The following GIGYF2 variants were observed in gnomAD, a reference collection of about 807,000 sequenced individuals.
GIGYF2 encodes the protein GRB10-interacting GYF protein 2.
A neutral mutation model predicts 208.1 loss-of-function variants in GIGYF2; 25 were observed. The observed-to-expected ratio is 0.12, with a 90% CI of 0.09 to 0.17. The LOEUF (loss-of-function observed/expected upper bound fraction) is 0.17, where lower values mean the gene tolerates loss of function less well. Among genes scored for constraint, GIGYF2 ranks in the 10% least tolerant of loss-of-function variants. GIGYF2 has a pLI of 1.00. For missense variants in GIGYF2, 1,302 were observed against 1,579.4 expected (o/e 0.82, Z 2.98); for synonymous variants, 534 against 543.8 (o/e 0.98, Z 0.25).
chr2:232,776,573 C>G, intron 8 of GIGYF2: 1 of 745,148 alleles, frequency 1.3e-6, no homozygotes, highest in East Asian at 2.7e-5. Flanking sequence ...ACTGGTTTTA[C>G]AGCTTACATT....
intron 2 of GIGYF2, among the ~76,000 whole-genome samples, chr2:232,709,818 A>G (rs2106253638): frequency 6.6e-6 from 1 of 152,056 alleles, no homozygotes; most frequent in African/African-American, 2.4e-5. Flanking sequence ...TGGAGGAAAA[A>G]AAATTGTAGA....
intron 26 of GIGYF2, among the ~76,000 whole-genome samples, chr2:232,846,392 A>C (rs1339265240): frequency 6.6e-6 from 1 of 152,186 alleles, no homozygotes; most frequent in Non-Finnish European, 1.5e-5. Flanking sequence ...AGTTTAGAGA[A>C]AAACTTGCTC....
At chr2:232,744,217 C>G (rs937094690) in intron 3 of GIGYF2, among the ~76,000 whole-genome samples, 33 of 152,118 alleles carry the variant, frequency 2.2e-4, no homozygotes, top group Admixed American at 2.0e-3. Flanking sequence ...CATTGGTGAT[C>G]CATTGGAAGG....
intron 14 of GIGYF2, among the ~76,000 whole-genome samples, chr2:232,804,839 G>A (rs1700511192): frequency 6.6e-6 from 1 of 151,696 alleles, no homozygotes; most frequent in Admixed American, 6.6e-5. Flanking sequence ...TTTCCCTTGA[G>A]ACTCCCTCTT....
chr2:232,730,094 C>G, intron 2 of GIGYF2: 1 of 1,250,636 alleles, frequency 8.0e-7, no homozygotes, highest in Non-Finnish European at 1.2e-6. Flanking sequence ...CAAATACTGC[C>G]ACATCTGCTT....
intron 14 of GIGYF2, among the ~76,000 whole-genome samples, chr2:232,805,877 G>A (rs1366865905): frequency 6.6e-6 from 1 of 152,122 alleles, no homozygotes; most frequent in African/African-American, 2.4e-5. Flanking sequence ...TATCCCTACT[G>A]TCTATGTCAT....
chr2:232,819,343 C>T (rs1179638705), intron 20 of GIGYF2, among the ~76,000 whole-genome samples: 4 of 152,148 alleles, frequency 2.6e-5, no homozygotes, highest in African/African-American at 9.7e-5. Flanking sequence ...ATTGGTGGGA[C>T]TTTTGATCTT....
rs1403886757 is a variant in GIGYF2, at chr2:232,819,006, G to A, written c.2371-821G>A. On this transcript the variant is annotated intron_variant, in intron 20 of 28. Transcript: ENST00000373563. ...CTTTTTCTTTTTTTGTTGTTGGGGG[G>A]AATTCACCATTCATGTGCTTGGCTC... 2.6e-5 allele frequency among the ~76,000 whole-genome samples: 4 copies of A among 151,558 alleles called. No homozygotes were observed. The South Asian group carries it at 8.4e-4, about 32-fold the overall frequency.
intron 6 of GIGYF2, 25 bp downstream of exon 6, chr2:232,756,359 A>T (rs764375783): frequency 8.4e-7 from 1 of 1,196,544 alleles, no homozygotes; most frequent in Non-Finnish European, 1.2e-6. Context: ...GAAAAAAGTA[A>T]TAATGGAGGA....
chr2:232,708,505 G>A (rs1696234126), intron 2 of GIGYF2, among the ~76,000 whole-genome samples: 7 of 152,054 alleles, frequency 4.6e-5, no homozygotes, highest in Admixed American at 4.6e-4. Context: ...GTAGTGAAAA[G>A]CTTGAGGGCT....
At chr2:232,699,428 G>C (rs1002437053) in intron 1 of GIGYF2, among the ~76,000 whole-genome samples, 5 of 152,118 alleles carry the variant, frequency 3.3e-5, no homozygotes, top group African/African-American at 1.2e-4. Context: ...TATCTCTTGT[G>C]ATTCTTGGAA....
chr2:232,838,846 A>G (rs541928866), intron 22 of GIGYF2, among the ~76,000 whole-genome samples: 13 of 151,428 alleles, frequency 8.6e-5, no homozygotes, highest in African/African-American at 2.9e-4. Context: ...GCATTTTGAG[A>G]GAAATGCCCT....
At chr2:232,771,559 T>A in intron 8 of GIGYF2, 2 of 524,966 alleles carry the variant, frequency 3.8e-6, no homozygotes, top group Non-Finnish European at 6.7e-6. Flanking sequence ...GGGAGCTAAT[T>A]GTGTGTTACC....
chr2:232,778,954 T>C (rs966356271), intron 8 of GIGYF2, among the ~76,000 whole-genome samples: 8 of 152,188 alleles, frequency 5.3e-5, no homozygotes, highest in African/African-American at 1.9e-4. Context: ...GACAAAGGAA[T>C]TTTTTGAGAT....
rs199974824 is a variant in GIGYF2 at position 232,711,872 on chromosome 2, T to G, written c.-44+8383T>G. Reference sequence around the variant, plus strand: ...TTTAACACTGCATCACCAGGTAGTTTTTTTTTTTAAAGGTTAGTTGCAATA... The same window carrying G: ...TTTAACACTGCATCACCAGGTAGTTGTTTTTTTTAAAGGTTAGTTGCAATA... On this transcript the variant is annotated intron_variant, in intron 2 of 28. Coordinates refer to ENST00000373563, the MANE Select transcript of GIGYF2 (RefSeq NM_001103146.3). Among the ~76,000 whole-genome samples, 4 of 151,862 alleles carry G rather than the reference T, an allele frequency of 2.6e-5. No homozygotes were observed. The East Asian group carries it at 7.7e-4, about 29-fold the overall frequency.
At chr2:232,846,372 G>C (rs1209087187) in intron 26 of GIGYF2, among the ~76,000 whole-genome samples, 1 of 152,168 alleles carries the variant, frequency 6.6e-6, no homozygotes, top group African/African-American at 2.4e-5. Flanking sequence ...AAGTGAAAAG[G>C]CTTTGGCACA....
At chr2:232,854,291 G>A (rs1365757267) in intron 28 of GIGYF2, among the ~76,000 whole-genome samples, 1 of 152,254 alleles carries the variant, frequency 6.6e-6, no homozygotes, top group Admixed American at 6.5e-5. Flanking sequence ...CCAGGAGTTG[G>A]GGACCAGCCT....
rs1700063181 is a variant in GIGYF2, at chr2:232,791,292, A to G, written c.1128A>G (p.Ser376=). Residue 376 remains serine, a synonymous_variant, in exon 12 of 29, where the codon TCA becomes TCG. Coordinates refer to ENST00000373563, the MANE Select transcript of GIGYF2 (RefSeq NM_001103146.3). ...ASEETPQTSS[S]SARPGTPSDH... is the part of the protein sequence containing the mutation. ...AGGAAACTCCCCAGACCTCATCATC[A>G]TCTGCTAGACCAGGTACTCCTTCAG... is the stretch of plus-strand genomic sequence containing the variant. 1 of 1,614,058 alleles carries G rather than the reference A, an allele frequency of 6.2e-7. No homozygotes were observed.
At chr2:232,697,859 G>A (rs1327262401) in intron 1 of GIGYF2, among the ~76,000 whole-genome samples, 1 of 152,208 alleles carries the variant, frequency 6.6e-6, no homozygotes, top group African/African-American at 2.4e-5. Context: ...GCTCCTGCCG[G>A]CTCTCCTGTC....
Sources: gnomAD v4.1 joint callset for allele counts (sites outside exome capture counted in the v4.1 genomes callset) on GRCh38, gnomAD v4.1.1 for gene constraint, MANE v1.5 for transcripts, NCBI Gene and HGNC (gene_info 2026-07-23, HGNC 2026-07-21) for gene names.